Variants in RBM19 observed in about 807,000 individuals in gnomAD.
RBM19 encodes probable RNA-binding protein 19.
A neutral mutation model predicts 116.8 loss-of-function variants in RBM19; 94 were observed. That is an observed-to-expected ratio of 0.80 (90% CI 0.68 to 0.95). The LOEUF is 0.95. RBM19 is among the 40% of genes least tolerant of loss of function. RBM19 has a pLI of 0.00. For missense variants in RBM19, 1,161 were observed against 1,220.7 expected (o/e 0.95, Z 0.73); for synonymous variants, 475 against 494.1 (o/e 0.96, Z 0.51).
Position 113,962,425 on chromosome 12 carries a change from G to C in RBM19, c.37-11C>G. On this transcript the variant is annotated splice_polypyrimidine_tract_variant and intron_variant, in intron 1 of 23. Transcript: ENST00000261741. Reference sequence around the variant, plus strand: ...ACGCTCCTCCTTCATCTAGGACAGAGGGAAAGGAATGAGAGACGAACTGGA... The same window carrying C: ...ACGCTCCTCCTTCATCTAGGACAGACGGAAAGGAATGAGAGACGAACTGGA... 6.2e-7 allele frequency: 1 copy of C among 1,610,764 alleles called. No individual in the cohort carries two copies. The highest frequency in any genetic ancestry group is 8.5e-7 in the Non-Finnish European group (1 of 1,177,192).
intron 23 of RBM19, among the ~76,000 whole-genome samples, chr12:113,843,213 T>C (rs1403015772): frequency 1.3e-5 from 2 of 152,162 alleles, no homozygotes; most frequent in Non-Finnish European, 2.9e-5. Flanking sequence ...GGCGAGGGAA[T>C]AATCACTCCT....
chr12:113,961,675 C>T (rs1177880929), intron 2 of RBM19, among the ~76,000 whole-genome samples: 1 of 152,168 alleles, frequency 6.6e-6, no homozygotes, highest in Non-Finnish European at 1.5e-5. Context: ...GAGTGGAGCC[C>T]ACTCCTCCAG....
intron 23 of RBM19, among the ~76,000 whole-genome samples, chr12:113,842,979 C>T (rs1876629710): frequency 6.6e-6 from 1 of 152,140 alleles, no homozygotes; most frequent in Admixed American, 6.5e-5. Flanking sequence ...TGTTCTGAAG[C>T]GTGTGGCAGC....
In RBM19 at chr12:113,942,317, C is replaced by T; in HGVS notation, c.1737+7G>A. The stretch of plus-strand genomic sequence containing the variant: ...GCTGGCTGGCTGGCGCCACCGAGAA[C>T]ACCCACCTGGCTGAAGGAATCCAGG... On this transcript the variant is annotated splice_region_variant and intron_variant, in intron 14 of 23. Coordinates refer to ENST00000261741, the MANE Select transcript of RBM19 (RefSeq NM_016196.4). 2 of 1,600,854 alleles carry T rather than the reference C, an allele frequency of 1.2e-6. No individual in the cohort carries two copies. The highest frequency in any genetic ancestry group is 8.5e-7 in the Non-Finnish European group (1 of 1,178,464).
chr12:113,847,957 G>A (rs1447036732), intron 22 of RBM19, among the ~76,000 whole-genome samples: 1 of 152,200 alleles, frequency 6.6e-6, no homozygotes, highest in Non-Finnish European at 1.5e-5. Flanking sequence ...TTCATGGTAA[G>A]AGGGGTGGTG....
chr12:113,830,798 T>G (rs1875346892), intron 23 of RBM19, among the ~76,000 whole-genome samples: 1 of 152,182 alleles, frequency 6.6e-6, no homozygotes, highest in Non-Finnish European at 1.5e-5. Context: ...GTCTTAGGGT[T>G]TGGTCCACAT....
chr12:113,959,089 C>T (rs996789283), intron 5 of RBM19, 123 bp downstream of exon 5: 5 of 1,005,118 alleles, frequency 5.0e-6, no homozygotes, highest in African/African-American at 1.6e-5. Context: ...ATCATCACCC[C>T]CAATGGAGAG....
At chr12:113,924,891 G>C in intron 17 of RBM19, 134 bp from the exon 18 acceptor site, 1 of 734,268 alleles carries the variant, frequency 1.4e-6, no homozygotes, top group Non-Finnish European at 2.5e-6. Flanking sequence ...GGTGATGAGT[G>C]ATGACCTCCT....
chr12:113,840,054 G>A lies in RBM19; in HGVS notation c.2785+4614C>T, dbSNP rs933436248. On this transcript the variant is annotated intron_variant, in intron 23 of 23. Coordinates refer to ENST00000261741, the MANE Select transcript of RBM19 (RefSeq NM_016196.4). ...CTGAGGCCAGCCATACGGGGACCCA[G>A]GTAATGCAATTACCAGGCGTTCCCA... Among the ~76,000 whole-genome samples, 3 of 151,286 alleles carry A rather than the reference G, an allele frequency of 2.0e-5. No individual in the cohort carries two copies. The Admixed American group carries it at 2.0e-4, about 10-fold the overall frequency.
At chr12:113,887,634 C>CAAAAAAAAAA (rs35665613) in intron 21 of RBM19, among the ~76,000 whole-genome samples, 3 of 71,150 alleles carry the variant, frequency 4.2e-5, no homozygotes, top group African/African-American at 6.0e-5. Context: ...GACTCCATCT[C>CAAAAAAAAAA]AAAAAAAAAA....
At chr12:113,855,005 G>A (rs894997136) in intron 22 of RBM19, among the ~76,000 whole-genome samples, 3 of 152,258 alleles carry the variant, frequency 2.0e-5, no homozygotes, top group African/African-American at 7.2e-5. Context: ...CCTTTGAGGA[G>A]CCTCTGGCTA....
intron 23 of RBM19, among the ~76,000 whole-genome samples, chr12:113,841,080 T>A (rs941738205): frequency 1.3e-5 from 2 of 152,148 alleles, no homozygotes; most frequent in Non-Finnish European, 2.9e-5. Context: ...GGGAGGGCAG[T>A]GCTCTTTCAG....
chr12:113,836,498 G>C (rs867650041), intron 23 of RBM19, among the ~76,000 whole-genome samples: 2 of 152,250 alleles, frequency 1.3e-5, no homozygotes, highest in Middle Eastern at 3.4e-3. Context: ...TCCGCTTGGT[G>C]GGGAGGGGCT....
chr12:113,901,502 C>G (rs1018872769), intron 21 of RBM19, among the ~76,000 whole-genome samples: 1 of 150,962 alleles, frequency 6.6e-6, no homozygotes. Context: ...TTCTTTTATT[C>G]ATTCATTCAT....
chr12:113,871,388 G>A (rs1207733953), intron 21 of RBM19, among the ~76,000 whole-genome samples: 1 of 152,190 alleles, frequency 6.6e-6, no homozygotes, highest in Non-Finnish European at 1.5e-5. Context: ...ATAGTGGCAG[G>A]TTCCTAAAAG....
intron 21 of RBM19, among the ~76,000 whole-genome samples, chr12:113,873,500 T>C (rs1879439596): frequency 2.0e-5 from 2 of 97,898 alleles, no homozygotes; most frequent in Admixed American, 2.2e-4. Context: ...TTAAGAGTCA[T>C]CACCAATCCC....
chr12:113,907,709 T>C (rs1343426557), intron 21 of RBM19, among the ~76,000 whole-genome samples: 1 of 152,208 alleles, frequency 6.6e-6, no homozygotes, highest in African/African-American at 2.4e-5. Context: ...GTTTTCTGAC[T>C]TCAGGTTCCC....
chr12:113,881,377 C>T (rs998102128), intron 21 of RBM19, among the ~76,000 whole-genome samples: 32 of 152,258 alleles, frequency 2.1e-4, no homozygotes, highest in African/African-American at 6.7e-4. Context: ...TCTAAGTTTC[C>T]GTAGCCAGAG....
intron 21 of RBM19, among the ~76,000 whole-genome samples, chr12:113,900,432 C>T (rs918369068): frequency 6.6e-6 from 1 of 152,218 alleles, no homozygotes; most frequent in Non-Finnish European, 1.5e-5. Flanking sequence ...GGAGCCCAAA[C>T]AGTCTCAATC....
Sources: allele counts gnomAD v4.1 joint callset (sites outside exome capture counted in the v4.1 genomes callset), GRCh38; gene constraint gnomAD v4.1.1; transcripts MANE v1.5; gene names NCBI Gene and HGNC (gene_info 2026-07-23, HGNC 2026-07-21).